Variants in IFT88 observed in about 807,000 individuals in gnomAD.
IFT88 encodes intraflagellar transport protein 88 homolog.
A neutral mutation model predicts 119.5 loss-of-function variants in IFT88; 74 were observed. The ratio of observed to expected loss-of-function variants is 0.62; its 90% CI spans 0.51 to 0.75. The LOEUF is 0.75. Ranked by LOEUF, IFT88 falls within the 30% of genes least tolerant of loss-of-function variation. The pLI is 0.00. For synonymous variants in IFT88, 279 were observed against 316.7 expected (o/e 0.88, Z 1.26); for missense variants, 961 against 977.7 (o/e 0.98, Z 0.23).
At chr13:20,606,449 G>C (rs2043476250) in intron 13 of IFT88, among the ~76,000 whole-genome samples, 1 of 152,214 alleles carries the variant, frequency 6.6e-6, no homozygotes, top group Admixed American at 6.5e-5. Context: ...TGTGGCAGGG[G>C]CTGGATTTCC....
At chr13:20,654,467 A>T (rs1452881515) in intron 21 of IFT88, among the ~76,000 whole-genome samples, 1 of 152,218 alleles carries the variant, frequency 6.6e-6, no homozygotes, top group Non-Finnish European at 1.5e-5. Context: ...GCTAACTGTG[A>T]AGTGAATAAT....
rs1593807810 is a variant in IFT88, at chr13:20,584,811, G to A, written c.153+1792G>A. On this transcript the variant is annotated intron_variant, in intron 3 of 25. Transcript: ENST00000351808. The stretch of plus-strand genomic sequence containing the variant: ...CCTACCTATCTAATACTATACAGCA[G>A]TGGCTCTCAGCGGGGGGCACTTGTG... Among the ~76,000 whole-genome samples the A allele has an allele frequency of 2.0e-5, 3 of 152,272 alleles. No homozygotes were observed. In the East Asian group the frequency reaches 5.8e-4, roughly 29 times the overall value.
intron 22 of IFT88, among the ~76,000 whole-genome samples, chr13:20,658,376 C>A (rs749016078): frequency 1.3e-5 from 2 of 152,086 alleles, no homozygotes; most frequent in African/African-American, 4.8e-5. Context: ...CCACCATGCC[C>A]GGCCTAGAAC....
intron 14 of IFT88, among the ~76,000 whole-genome samples, chr13:20,623,294 G>C (rs112263342): frequency 8.1e-4 from 124 of 152,174 alleles, no homozygotes; most frequent in African/African-American, 2.9e-3. Flanking sequence ...TGGCTATTTG[G>C]AGTCCCTTGA....
intron 23 of IFT88, among the ~76,000 whole-genome samples, chr13:20,666,339 C>T (rs2054677345): frequency 6.6e-6 from 1 of 152,154 alleles, no homozygotes; most frequent in Non-Finnish European, 1.5e-5. Context: ...TCAGCAGGGT[C>T]CGACATCCAG....
At chr13:20,685,523 C>G (rs1388328713) in intron 24 of IFT88, among the ~76,000 whole-genome samples, 1 of 152,170 alleles carries the variant, frequency 6.6e-6, no homozygotes, top group African/African-American at 2.4e-5. Flanking sequence ...GGGGGGAGTT[C>G]TAAGTGGCAC....
At chr13:20,608,723 C>G (rs1411037) in intron 13 of IFT88, among the ~76,000 whole-genome samples, 140,038 of 152,258 alleles carry the variant, frequency 0.92, 64,488 homozygotes, top group East Asian at 1. Context: ...AGATGGATCC[C>G]GTTTCCCAGT....
Position 20,682,529 on chromosome 13 carries a change from A to G in IFT88, c.2243-8176A>G, listed in dbSNP as rs563540564. On this transcript the variant is annotated intron_variant, in intron 24 of 25. Transcript: ENST00000351808. ...TTTTGAAAGTCATTCAGTGTTTTCA[A>G]TTGATCCCTACTTATGGTTACTTTC... is the stretch of plus-strand genomic sequence containing the variant. Among the ~76,000 whole-genome samples the G allele has an allele frequency of 7.6e-4, 116 of 152,300 alleles. 2 individuals are homozygous for G. The South Asian group carries it at 0.012, about 16-fold the overall frequency.
chr13:20,611,691 G>C (rs1019740763), intron 13 of IFT88, among the ~76,000 whole-genome samples: 10 of 151,888 alleles, frequency 6.6e-5, no homozygotes, highest in Non-Finnish European at 1.5e-4. Flanking sequence ...TGCAACCTCC[G>C]CCTCCTGGGT....
At chr13:20,580,086 A>G (rs372090934) in intron 2 of IFT88, among the ~76,000 whole-genome samples, 3 of 152,266 alleles carry the variant, frequency 2.0e-5, no homozygotes. Flanking sequence ...TTCTTTTAGT[A>G]TGTTTGGAAT....
At position 20,661,260 on chromosome 13, in the gene IFT88, G is replaced by A. The variant is rs2053729174; in HGVS notation, c.2069-2238G>A. 2.0e-5 allele frequency among the ~76,000 whole-genome samples: 3 copies of A among 152,278 alleles called. No homozygotes were observed. In the South Asian group the frequency reaches 6.2e-4, roughly 32 times the overall value. On this transcript the variant is annotated intron_variant, in intron 22 of 25. Coordinates refer to ENST00000351808, the MANE Select transcript of IFT88 (RefSeq NM_006531.5). ...AGTAACATTTGAAGTGGCCTTGAAG[G>A]GTACGGAGGGTTTTACCAGGAAGGA...
intron 16 of IFT88, among the ~76,000 whole-genome samples, chr13:20,637,367 T>C (rs150633238): frequency 6.6e-4 from 100 of 152,324 alleles, no homozygotes; most frequent in East Asian, 3.9e-3. Context: ...TTTAATGTTA[T>C]ACAGTTGTGA....
chr13:20,625,262 T>G (rs1397174676), intron 14 of IFT88, among the ~76,000 whole-genome samples: 1 of 152,250 alleles, frequency 6.6e-6, no homozygotes, highest in Non-Finnish European at 1.5e-5. Flanking sequence ...AGGGTTGTTG[T>G]GAGGGTTAAA....
intron 14 of IFT88, among the ~76,000 whole-genome samples, chr13:20,620,735 T>C (rs2046343054): frequency 6.6e-6 from 1 of 151,976 alleles, no homozygotes; most frequent in Non-Finnish European, 1.5e-5. Context: ...CTGGCTAATT[T>C]TTTGTGGTTT....
At chr13:20,653,401 T>A (rs938812104) in intron 20 of IFT88, among the ~76,000 whole-genome samples, 1 of 152,238 alleles carries the variant, frequency 6.6e-6, no homozygotes, top group African/African-American at 2.4e-5. Context: ...GGTTATTTAT[T>A]TTAGAAAAGA....
intron 1 of IFT88, among the ~76,000 whole-genome samples, chr13:20,570,103 T>A (rs2036007619): frequency 6.6e-6 from 1 of 151,042 alleles, no homozygotes; most frequent in Non-Finnish European, 1.5e-5. Context: ...TAGAAATGGA[T>A]AATAAGCAGA....
chr13:20,647,970 A>G (rs888453548), intron 20 of IFT88, among the ~76,000 whole-genome samples: 1 of 152,136 alleles, frequency 6.6e-6, no homozygotes, highest in Admixed American at 6.5e-5. Flanking sequence ...TATCACATAC[A>G]GGGACCCTCA....
chr13:20,571,261 TG>T (rs1484014039), intron 1 of IFT88, among the ~76,000 whole-genome samples: 10 of 152,230 alleles, frequency 6.6e-5, no homozygotes, highest in Non-Finnish European at 1.3e-4. Context: ...CCCAAAGTGC[TG>T]GGATTATAGG....
chr13:20,596,279 A>G, intron 8 of IFT88, 39 bp downstream of exon 8: 1 of 934,150 alleles, frequency 1.1e-6, no homozygotes, highest in South Asian at 1.8e-5. Context: ...TGAAGCATTT[A>G]TAGATGTATG....
Sources: gnomAD v4.1 joint callset for allele counts (sites outside exome capture counted in the v4.1 genomes callset) on GRCh38, gnomAD v4.1.1 for gene constraint, MANE v1.5 for transcripts, NCBI Gene and HGNC (gene_info 2026-07-23, HGNC 2026-07-21) for gene names.